DUOX1: variants seen among roughly 807,000 people sequenced by gnomAD.
DUOX1 encodes the protein NADPH thyroid oxidase 1.
Under a neutral mutation model 181.8 loss-of-function variants are expected in DUOX1, and 134 were observed. The ratio of observed to expected loss-of-function variants is 0.74; its 90% CI spans 0.64 to 0.85. The LOEUF (loss-of-function observed/expected upper bound fraction) is 0.85, where lower values mean the gene tolerates loss of function less well. DUOX1 is among the 40% of genes least tolerant of loss of function. The probability of loss-of-function intolerance (pLI) is 0.00; values close to 1 mark genes in which losing one functional copy is unlikely to be tolerated. For missense variants in DUOX1, 1,814 were observed against 2,064.4 expected, an observed-to-expected ratio of 0.88 and a Z score of 2.35; for synonymous variants, 798 against 832.5, an observed-to-expected ratio of 0.96 and a Z score of 0.71.
At chr15:45,153,604 G>GT in intron 26 of DUOX1, 125 bp downstream of exon 26, 1 of 1,046,390 alleles carries the variant, frequency 9.6e-7, no homozygotes, top group Non-Finnish European at 1.5e-6. Context: ...AGAGGAGACT[G>GT]TCACCTTCTA....
chr15:45,158,385 G>T (rs1028664028), intron 28 of DUOX1, among the ~76,000 whole-genome samples: 3 of 151,538 alleles, frequency 2.0e-5, no homozygotes, highest in Admixed American at 6.6e-5. Flanking sequence ...GGAAGGGAAC[G>T]CCTGAATGGG....
chr15:45,160,376 C>G (rs974344320), intron 28 of DUOX1, among the ~76,000 whole-genome samples: 1 of 152,154 alleles, frequency 6.6e-6, no homozygotes, highest in Non-Finnish European at 1.5e-5. Flanking sequence ...GTTTGAGGAA[C>G]AGGGAGGGGA....
intron 25 of DUOX1, chr15:45,152,952 G>A (rs1896854115): frequency 9.6e-6 from 3 of 313,756 alleles, no homozygotes; most frequent in South Asian, 3.5e-5. Flanking sequence ...CCGGCGCGGC[G>A]GCTTATGCCC....
rs117758198 is a variant in DUOX1 at position 45,143,552 on chromosome 15, A to G, written c.1936+249A>G. Among the ~76,000 whole-genome samples, 75 of 152,294 alleles carry G rather than the reference A, an allele frequency of 4.9e-4. 1 individual carries two copies. The highest frequency in any genetic ancestry group is 2.3e-3 in the Admixed American group (35 of 15,300). On this transcript the variant is annotated intron_variant, in intron 16 of 33. Coordinates refer to ENST00000389037, the MANE Select transcript of DUOX1 (RefSeq NM_175940.3). ...CCTGTAGTGATCTTACAGGGTCACTATGACTTACGAATCCCTGGGAACTGC... is the reference window on the plus strand; with the variant it reads ...CCTGTAGTGATCTTACAGGGTCACTGTGACTTACGAATCCCTGGGAACTGC...
chr15:45,151,087 T>C (rs1595588731), intron 22 of DUOX1, 36 bp from the exon 23 acceptor site: 1 of 1,611,360 alleles, frequency 6.2e-7, no homozygotes, highest in Non-Finnish European at 8.5e-7. Flanking sequence ...GTGGTTGAGA[T>C]GGCCAGCATC....
intron 27 of DUOX1, 121 bp downstream of exon 27, chr15:45,154,121 G>C: frequency 1.1e-6 from 1 of 937,176 alleles, no homozygotes; most frequent in Non-Finnish European, 1.7e-6. Context: ...CCCAGGCTCT[G>C]TCCTCTGGCC....
intron 2 of DUOX1, among the ~76,000 whole-genome samples, 154 bp downstream of exon 2, chr15:45,132,178 G>A (rs1164848194): frequency 6.6e-6 from 1 of 152,248 alleles, no homozygotes; most frequent in Non-Finnish European, 1.5e-5. Context: ...ATTTCTAGCT[G>A]TTGAAGAAAT....
chr15:45,150,647 AAGTCATCAAGG>A lies in DUOX1; in HGVS notation c.2836_2846del (p.Val946ProfsTer29), dbSNP rs1223064497. Reference sequence around the variant, plus strand: ...TGCTTTGCAGGGGTGGAGGTGCCTGAAGTCATCAAGGACCTCTGCCGGCGAGCCTCCTACAT... The same window carrying A: ...TGCTTTGCAGGGGTGGAGGTGCCTGAACCTCTGCCGGCGAGCCTCCTACAT... On this transcript the variant is annotated frameshift_variant, in exon 22 of 34. Transcript: ENST00000389037. LOFTEE classifies it high-confidence loss of function. 2 of 1,613,868 alleles carry A rather than the reference AAGTCATCAAGG, an allele frequency of 1.2e-6. No individual in the cohort carries two copies. Among genetic ancestry groups the A allele is most frequent in the Non-Finnish European group, 1.7e-6 (2 of 1,180,016 alleles).
In DUOX1 at chr15:45,147,456, C is replaced by T. The variant is rs559724860; in HGVS notation, c.2346C>T (p.Asp782=). 5.9e-5 allele frequency: 95 copies of T among 1,613,822 alleles called. No homozygotes were observed. The highest frequency in any genetic ancestry group is 7.1e-5 in the Non-Finnish European group (84 of 1,179,894). ...AGGTGCTGGACATCAACCAGGCCGA[C>T]GCAGGGACCCTGCCCCTGGACTCCT... ...FSQVLDINQA[D]AGTLPLDSSQ... is the part of the protein sequence containing the mutation. The change falls in exon 19 of 34, where the codon GAC becomes GAT. Residue 782 remains aspartate, a synonymous_variant. Transcript: ENST00000389037.
chr15:45,160,971 G>A lies in DUOX1; in HGVS notation c.3837G>A (p.Lys1279=). 6.2e-7 allele frequency: 1 copy of A among 1,614,160 alleles called. No homozygotes were observed. The highest frequency in any genetic ancestry group is 8.5e-7 in the Non-Finnish European group (1 of 1,180,014). ...AGAAGGTGGAGATCAGCGTGGTGAA[G>A]GCGGAGCTGCTGCCCTCAGGTACCA... ...SRKKVEISVV[K]AELLPSGVTH... The change falls in exon 29 of 34, where the codon AAG becomes AAA. Residue 1279 remains lysine (K), a synonymous_variant. Coordinates refer to ENST00000389037, the MANE Select transcript of DUOX1 (RefSeq NM_175940.3).
intron 15 of DUOX1, among the ~76,000 whole-genome samples, chr15:45,142,810 A>AGGAAGGAAG (rs1491411109): frequency 4.0e-5 from 6 of 150,852 alleles, no homozygotes; most frequent in Non-Finnish European, 3.0e-5. Context: ...GGAGGGAGGA[A>AGGAAGGAAG]GAGCAGGCTG....
intron 1 of DUOX1, chr15:45,131,647 G>A (rs1321500773): frequency 2.8e-6 from 1 of 360,848 alleles, no homozygotes; most frequent in East Asian, 7.3e-5. Flanking sequence ...AATCTTAGAA[G>A]GTAAAGTCCA....
rs1405762596 is a variant in DUOX1, at chr15:45,147,395, T to A, written c.2323-38T>A. On this transcript the variant is annotated intron_variant, in intron 18 of 33. Coordinates refer to ENST00000389037, the MANE Select transcript of DUOX1 (RefSeq NM_175940.3). Reference sequence around the variant, plus strand: ...GCTGAACTTCAAGTCAAGGAAGCCTTGTCTCCTCTCCCTCCCTCTGCTTCT... The same window carrying A: ...GCTGAACTTCAAGTCAAGGAAGCCTAGTCTCCTCTCCCTCCCTCTGCTTCT... 3.1e-6 allele frequency: 5 copies of A among 1,598,958 alleles called. No individual in the cohort carries two copies. The East Asian group carries it at 1.1e-4, about 36-fold the overall frequency.
At position 45,163,480 on chromosome 15, in the gene DUOX1, T is replaced by C. The variant is rs1019107812; in HGVS notation, c.4249-52T>C. On this transcript the variant is annotated intron_variant, in intron 31 of 33. Transcript: ENST00000389037. Reference sequence around the variant, plus strand: ...TCTATCAGTATGGACACCCCTGGGGTTTAGGGAGACTGAGCTGAGATGGGT... The same window carrying C: ...TCTATCAGTATGGACACCCCTGGGGCTTAGGGAGACTGAGCTGAGATGGGT... The C allele has an allele frequency of 2.4e-5, 39 of 1,608,314 alleles. No homozygotes were observed. The African/African-American group carries it at 5.1e-4, about 21-fold the overall frequency.
intron 27 of DUOX1, among the ~76,000 whole-genome samples, chr15:45,154,791 G>C (rs1896927252): frequency 6.6e-6 from 1 of 151,956 alleles, no homozygotes; most frequent in Non-Finnish European, 1.5e-5. Context: ...CTTAACTTCT[G>C]CCTCTCTTCC....
chr15:45,153,754 G>A, intron 26 of DUOX1, 197 bp from the exon 27 acceptor site: 1 of 636,962 alleles, frequency 1.6e-6, no homozygotes, highest in East Asian at 2.7e-5. Flanking sequence ...GGGCATGGTG[G>A]TGCGTGCCTG....
In DUOX1 at chr15:45,152,277, C is replaced by T. The variant is rs1323602493; in HGVS notation, c.3194-9C>T. ...GACCCTCGCTTGCCTGCCTGGGCCC[C>T]CTCCACAGACTACGCCTTTGCCGCA... On this transcript the variant is annotated splice_polypyrimidine_tract_variant and intron_variant, in intron 24 of 33. Coordinates refer to ENST00000389037, the MANE Select transcript of DUOX1 (RefSeq NM_175940.3). The T allele has an allele frequency of 4.0e-5, 64 of 1,611,610 alleles. No homozygotes were observed. The highest frequency in any genetic ancestry group is 5.3e-5 in the Non-Finnish European group (63 of 1,178,524).
rs747755072 is a variant in DUOX1 at position 45,162,320 on chromosome 15, C to T, written c.4191C>T (p.Ser1397=). Residue 1397 remains serine (S), a synonymous_variant, in exon 31 of 34, where the codon TCC becomes TCT. Coordinates refer to ENST00000389037, the MANE Select transcript of DUOX1 (RefSeq NM_175940.3). ...GGGIGVTPFA[S]ILKDLVFKSS... is the part of the protein sequence containing the mutation. ...GCATTGGGGTCACCCCTTTTGCCTC[C>T]ATCCTCAAAGACCTGGTCTTCAAGT... is the stretch of plus-strand genomic sequence containing the variant. The T allele has an allele frequency of 1.2e-6, 2 of 1,614,100 alleles. No individual in the cohort carries two copies. The highest frequency in any genetic ancestry group is 2.2e-5 in the South Asian group (2 of 91,052).
In DUOX1 at chr15:45,152,026, G is replaced by C. The variant is rs769583712; in HGVS notation, c.3167G>C (p.Gly1056Ala). ...GCVAVFYAIA[G>A]GLFLERAYYY... The stretch of plus-strand genomic sequence containing the variant: ...GTGGCCGTGTTCTACGCCATCGCTG[G>C]GGGGCTTTTCCTGGAGAGGGCCTAC... Residue 1056 changes from glycine (G) to alanine (A), a missense_variant, in exon 24 of 34, where the codon GGG becomes GCG. Transcript: ENST00000389037. 6.8e-6 allele frequency: 11 copies of C among 1,613,976 alleles called. No individual in the cohort carries two copies. The Admixed American group carries it at 1.5e-4, about 22-fold the overall frequency.
Sources: gnomAD v4.1 joint callset for allele counts (sites outside exome capture counted in the v4.1 genomes callset) on GRCh38, gnomAD v4.1.1 for gene constraint, MANE v1.5 for transcripts, NCBI Gene and HGNC (gene_info 2026-07-23, HGNC 2026-07-21) for gene names.